Variants in SCIMP observed in about 807,000 individuals in gnomAD.
The protein encoded by SCIMP is SLP adapter and CSK-interacting membrane protein.
Under a neutral mutation model 22.0 loss-of-function variants are expected in SCIMP, and 18 were observed. The ratio of observed to expected loss-of-function variants is 0.82; its 90% CI spans 0.56 to 1.21. SCIMP has a LOEUF of 1.21. Ranked by LOEUF, SCIMP falls within the 50% of genes most tolerant of loss-of-function variation. SCIMP has a pLI of 0.00. For missense variants in SCIMP, 155 were observed against 171.2 expected (o/e 0.91, Z 0.53); for synonymous variants, 53 against 62.2 (o/e 0.85, Z 0.70).
intron 1 of SCIMP, among the ~76,000 whole-genome samples, chr17:5,227,504 C>T (rs1036695344): frequency 6.6e-6 from 1 of 152,104 alleles, no homozygotes; most frequent in Non-Finnish European, 1.5e-5. Context: ...GCGTGAGCCA[C>T]CCTGCCCACC....
chr17:5,234,611 A>T, intron 1 of SCIMP, 124 bp downstream of exon 1: 1 of 979,802 alleles, frequency 1.0e-6, no homozygotes, highest in South Asian at 1.4e-5. Context: ...CCAGGGCCCC[A>T]GGCTGCAATC....
chr17:5,232,942 C>T (rs1437587191), intron 1 of SCIMP, among the ~76,000 whole-genome samples: 2 of 152,108 alleles, frequency 1.3e-5, no homozygotes, highest in Admixed American at 1.3e-4. Flanking sequence ...AAACTCCTGA[C>T]CTCAAGTGAT....
chr17:5,221,070 A>AG (rs1489991959), intron 3 of SCIMP: 209 of 636,026 alleles, frequency 3.3e-4, no homozygotes, highest in African/African-American at 2.8e-3. Flanking sequence ...AAAAAAAAAA[A>AG]AGAGAGAGAG....
At chr17:5,230,979 G>A (rs2074689321) in intron 1 of SCIMP, among the ~76,000 whole-genome samples, 1 of 152,164 alleles carries the variant, frequency 6.6e-6, no homozygotes, top group African/African-American at 2.4e-5. Flanking sequence ...AAGTCATGTA[G>A]CTAAGCAATA....
At chr17:5,219,225 A>G (rs2074587692) in intron 3 of SCIMP, among the ~76,000 whole-genome samples, 1 of 152,202 alleles carries the variant, frequency 6.6e-6, no homozygotes, top group African/African-American at 2.4e-5. Context: ...AGACTGAGGC[A>G]GGAGAATCAC....
chr17:5,221,070 A>AAAG, intron 3 of SCIMP: 4 of 636,092 alleles, frequency 6.3e-6, no homozygotes, highest in Non-Finnish European at 8.6e-6. Context: ...AAAAAAAAAA[A>AAAG]AGAGAGAGAG....
Position 5,214,954 on chromosome 17 carries a change from G to A in SCIMP, c.254C>T (p.Pro85Leu), listed in dbSNP as rs562443639. Residue 85 changes from proline (P) to leucine (L), a missense_variant, in exon 4 of 5, where the codon CCG (proline) becomes CTG (leucine). By Grantham distance (98) the Pro-to-Leu change is moderately conservative. Coordinates refer to ENST00000574081, the MANE Select transcript of SCIMP (RefSeq NM_207103.3). ...ESPVQLPPLPPRNWPSLEDSS... is the reference protein window; with the variant it reads ...ESPVQLPPLPLRNWPSLEDSS... Reference sequence around the variant, plus strand: ...GTCTTCTAGAGAAGGCCAATTCCTCGGTGGCAGAGGCGGTAATTGAACTGG... The same window carrying A: ...GTCTTCTAGAGAAGGCCAATTCCTCAGTGGCAGAGGCGGTAATTGAACTGG... The A allele has an allele frequency of 6.2e-6, 10 of 1,609,604 alleles. No individual in the cohort carries two copies. The East Asian group carries it at 6.7e-5, about 11-fold the overall frequency.
At chr17:5,234,466 C>A in intron 1 of SCIMP, 2 of 522,842 alleles carry the variant, frequency 3.8e-6, no homozygotes, top group East Asian at 6.6e-5. Flanking sequence ...AAGAGGTAGA[C>A]TTCTTCATCG....
At chr17:5,225,558 C>T (rs1232823344) in intron 1 of SCIMP, among the ~76,000 whole-genome samples, 1 of 151,904 alleles carries the variant, frequency 6.6e-6, no homozygotes, top group Non-Finnish European at 1.5e-5. Flanking sequence ...GTCAGGAGTT[C>T]GAAACCAGCT....
chr17:5,214,412 C>T (rs1356042459), intron 4 of SCIMP: 8 of 152,406 alleles, frequency 5.2e-5, no homozygotes, highest in Admixed American at 2.0e-4. Context: ...AAAAATTAGC[C>T]AGGCGTGGTG....
At chr17:5,215,309 A>G (rs1027654486) in intron 3 of SCIMP, 22 of 243,208 alleles carry the variant, frequency 9.0e-5, no homozygotes, top group African/African-American at 4.5e-4. Context: ...CACCAGATGT[A>G]TTTCTATTTG....
At chr17:5,232,403 A>AAACAGTGCAGTG (rs2074708630) in intron 1 of SCIMP, among the ~76,000 whole-genome samples, 2 of 77,448 alleles carry the variant, frequency 2.6e-5, no homozygotes, top group African/African-American at 6.6e-5. Context: ...TAAACAGTAT[A>AAACAGTGCAGTG]AACAGTGCAA....
At position 5,209,074 on chromosome 17, in the gene SCIMP, G is replaced by A. The variant is rs71368536; in HGVS notation, c.*1727C>T. On this transcript the variant is annotated 3_prime_UTR_variant, in exon 5 of 5. Transcript: ENST00000574081. ...CCTCTCTTTGGCTGGTGGGATACCA[G>A]AGTCCCATAAGGCCATAGTTAGATA... The A allele has an allele frequency of 0.079, 11,968 of 152,240 alleles. 600 individuals carry two copies. The highest frequency in any genetic ancestry group is 0.15 in the East Asian group (760 of 5,168). 9.4% of individuals were successfully genotyped at this position (152,240 alleles called of 1,614,324 possible).
chr17:5,215,798 C>T (rs753300753), intron 3 of SCIMP, among the ~76,000 whole-genome samples: 2 of 152,228 alleles, frequency 1.3e-5, no homozygotes, highest in African/African-American at 2.4e-5. Context: ...GAATTGGACA[C>T]GACCTGTATT....
chr17:5,223,029 G>C (rs2074620017), intron 2 of SCIMP, among the ~76,000 whole-genome samples: 1 of 152,064 alleles, frequency 6.6e-6, no homozygotes, highest in African/African-American at 2.4e-5. Flanking sequence ...TAGCCACATA[G>C]GGAAGAAAAA....
chr17:5,215,186 G>A (rs1598156777), intron 3 of SCIMP, 188 bp from the exon 4 acceptor site: 17 of 533,262 alleles, frequency 3.2e-5, no homozygotes, highest in Non-Finnish European at 4.7e-5. Flanking sequence ...TAATGAAACC[G>A]TTTTCTGTAG....
At chr17:5,230,922 T>C (rs1251205767) in intron 1 of SCIMP, among the ~76,000 whole-genome samples, 1 of 152,140 alleles carries the variant, frequency 6.6e-6, no homozygotes, top group Non-Finnish European at 1.5e-5. Context: ...GCCTGGGTTA[T>C]AGAGTGAGAC....
At position 5,209,421 on chromosome 17, in the gene SCIMP, C is replaced by G. The variant is rs960233046; in HGVS notation, c.*1380G>C. The G allele has an allele frequency of 5.3e-5, 8 of 152,162 alleles. No homozygotes were observed. The highest frequency in any genetic ancestry group is 4.6e-4 in the Admixed American group (7 of 15,254). 9.4% of individuals were successfully genotyped at this position (152,162 alleles called of 1,614,324 possible). On this transcript the variant is annotated 3_prime_UTR_variant, in exon 5 of 5. Transcript: ENST00000574081. Reference sequence around the variant, plus strand: ...GGAGGTATTAATAGCAAGGTGGAAGCCTTCATAGAGTCTGGAAAGAGAGAA... The same window carrying G: ...GGAGGTATTAATAGCAAGGTGGAAGGCTTCATAGAGTCTGGAAAGAGAGAA...
intron 1 of SCIMP, among the ~76,000 whole-genome samples, chr17:5,224,451 TTTG>T (rs2074632749): frequency 2.3e-5 from 3 of 132,600 alleles, no homozygotes; most frequent in African/African-American, 3.5e-5. Context: ...TTTTTGTTTG[TTTG>T]TTTGTTTGTT....
Sources: gnomAD v4.1 joint callset for allele counts (sites outside exome capture counted in the v4.1 genomes callset) on GRCh38, gnomAD v4.1.1 for gene constraint, MANE v1.5 for transcripts, NCBI Gene and HGNC (gene_info 2026-07-23, HGNC 2026-07-21) for gene names.